The following MME variants were observed in gnomAD, a reference collection of about 807,000 sequenced individuals.
MME encodes neprilysin.
Under a neutral mutation model 113.2 loss-of-function variants are expected in MME, and 98 were observed. That is an observed-to-expected ratio of 0.87 (90% CI 0.74 to 1.02). The LOEUF (loss-of-function observed/expected upper bound fraction) is 1.02. MME is among the 50% of genes least tolerant of loss of function. The pLI is 0.00. For synonymous variants in MME, 292 were observed against 300.6 expected, an observed-to-expected ratio of 0.97 and a Z score of 0.30; for missense variants, 836 against 896.0, an observed-to-expected ratio of 0.93 and a Z score of 0.86.
At chr3:155,147,956 T>C (rs907119982) in intron 15 of MME, among the ~76,000 whole-genome samples, 2 of 152,164 alleles carry the variant, frequency 1.3e-5, no homozygotes, top group African/African-American at 2.4e-5. Context: ...GAGCTGGTTA[T>C]AGCTTGCAAG....
In MME at chr3:155,179,704, A is replaced by C. The variant is rs957097984; in HGVS notation, c.2154-656A>C. ...CCCATCTCTCCCCTCAAACACTGCTAGGTGCAGATAGTGAGTTGGACTGTG... is the reference window on the plus strand; with the variant it reads ...CCCATCTCTCCCCTCAAACACTGCTCGGTGCAGATAGTGAGTTGGACTGTG... On this transcript the variant is annotated intron_variant, in intron 22 of 22. Transcript: ENST00000360490. 2.6e-5 allele frequency among the ~76,000 whole-genome samples: 4 copies of C among 152,180 alleles called. 1 individual carries two copies. The highest frequency in any genetic ancestry group is 7.2e-5 in the African/African-American group (3 of 41,458).
chr3:155,062,268 A>T (rs1714175940), intron 1 of MME, among the ~76,000 whole-genome samples: 1 of 152,142 alleles, frequency 6.6e-6, no homozygotes, highest in Non-Finnish European at 1.5e-5. Flanking sequence ...TATCTGCAAG[A>T]ATACCCCTTA....
chr3:155,126,455 C>T (rs575032977), intron 8 of MME, among the ~76,000 whole-genome samples: 2 of 151,254 alleles, frequency 1.3e-5, no homozygotes, highest in African/African-American at 4.9e-5. Context: ...ATTTTATACT[C>T]AATGCTATCC....
At chr3:155,084,081 T>C (rs1715421721) in intron 1 of MME, 77 bp from the exon 2 acceptor site, 1 of 1,265,636 alleles carries the variant, frequency 7.9e-7, no homozygotes. Context: ...TTTACTTTTA[T>C]CCAGCCACAT....
chr3:155,152,669 C>T (rs1297546232), intron 16 of MME, among the ~76,000 whole-genome samples: 2 of 151,914 alleles, frequency 1.3e-5, no homozygotes, highest in Non-Finnish European at 1.5e-5. Context: ...GGTGAAACCT[C>T]GTCTCTACTG....
chr3:155,090,333 C>G (rs1022945693), intron 3 of MME: 1 of 152,216 alleles, frequency 6.6e-6, no homozygotes, highest in African/African-American at 2.4e-5. Flanking sequence ...TAATGCACAG[C>G]GGTCCCCTTC....
chr3:155,051,019 T>C (rs771288496), intron 1 of MME, among the ~76,000 whole-genome samples: 20 of 152,140 alleles, frequency 1.3e-4, no homozygotes, highest in Non-Finnish European at 2.8e-4. Context: ...CTAAGCAAAG[T>C]GTGGGAGGTT....
intron 8 of MME, among the ~76,000 whole-genome samples, chr3:155,129,292 G>A (rs1461946834): frequency 1.3e-5 from 2 of 152,116 alleles, no homozygotes; most frequent in African/African-American, 4.8e-5. Context: ...TACTCTAATC[G>A]TAGGTCTCCT....
intron 1 of MME, among the ~76,000 whole-genome samples, chr3:155,069,464 A>G (rs1341382637): frequency 6.6e-6 from 1 of 152,250 alleles, no homozygotes; most frequent in Non-Finnish European, 1.5e-5. Flanking sequence ...GTTAAGGCCC[A>G]GGATGACTGA....
intron 8 of MME, among the ~76,000 whole-genome samples, chr3:155,119,151 C>T (rs1243878046): frequency 6.6e-6 from 1 of 152,176 alleles, no homozygotes; most frequent in African/African-American, 2.4e-5. Flanking sequence ...TTATCATGGT[C>T]TAGGGTGGTG....
intron 3 of MME, among the ~76,000 whole-genome samples, chr3:155,098,122 A>T (rs1321230439): frequency 6.6e-6 from 1 of 152,200 alleles, no homozygotes; most frequent in Non-Finnish European, 1.5e-5. Flanking sequence ...GGAAGGGAAA[A>T]GGAAGGCAGC....
At chr3:155,128,527 C>T (rs1163637855) in intron 8 of MME, among the ~76,000 whole-genome samples, 1 of 152,112 alleles carries the variant, frequency 6.6e-6, no homozygotes, top group Non-Finnish European at 1.5e-5. Context: ...GTCAGTGTAT[C>T]ATTGGCCTTC....
At position 155,035,250 on chromosome 3, in the gene MME, G is replaced by A. The variant is rs938798877; in HGVS notation, c.-11+10926G>A. ...TATTTAATATTAATAATACTATAAT[G>A]TCTATAATATAAATATAAAATATTT... is the stretch of plus-strand genomic sequence containing the variant. On this transcript the variant is annotated intron_variant, in intron 1 of 22. Coordinates refer to the MME transcript ENST00000492661. 6.8e-5 allele frequency among the ~76,000 whole-genome samples: 10 copies of A among 147,958 alleles called. No individual in the cohort carries two copies. The South Asian group carries it at 1.5e-3, about 22-fold the overall frequency.
intron 9 of MME, among the ~76,000 whole-genome samples, chr3:155,139,707 A>T (rs1454447220): frequency 6.6e-6 from 1 of 152,216 alleles, no homozygotes; most frequent in Non-Finnish European, 1.5e-5. Flanking sequence ...TGTACTAGGA[A>T]GTTTCTCTGT....
At chr3:155,134,627 G>T (rs763594021) in intron 8 of MME, among the ~76,000 whole-genome samples, 2 of 152,088 alleles carry the variant, frequency 1.3e-5, no homozygotes, top group Non-Finnish European at 2.9e-5. Context: ...TTGGTAGAAT[G>T]ACTTATTTTC....
At chr3:155,049,431 G>T (rs1372873445) in intron 1 of MME, among the ~76,000 whole-genome samples, 1 of 152,034 alleles carries the variant, frequency 6.6e-6, no homozygotes, top group Non-Finnish European at 1.5e-5. Flanking sequence ...CTAGGAGAGA[G>T]GTACAGAAGA....
At chr3:155,025,127 A>T (rs1005505323) in intron 1 of MME, among the ~76,000 whole-genome samples, 3 of 152,196 alleles carry the variant, frequency 2.0e-5, no homozygotes, top group African/African-American at 7.2e-5. Context: ...GGAGCAGAGT[A>T]TCTGCAACAC....
At chr3:155,111,898 T>C (rs1286171952) in intron 3 of MME, among the ~76,000 whole-genome samples, 1 of 152,220 alleles carries the variant, frequency 6.6e-6, no homozygotes, top group Non-Finnish European at 1.5e-5. Context: ...TCTTAGAATG[T>C]CTGTAGTTAG....
At chr3:155,155,813 G>A (rs1210564620) in intron 16 of MME, among the ~76,000 whole-genome samples, 1 of 152,164 alleles carries the variant, frequency 6.6e-6, no homozygotes. Flanking sequence ...GAATCTCTCC[G>A]AAATAAAGCA....
Sources: allele counts gnomAD v4.1 joint callset (sites outside exome capture counted in the v4.1 genomes callset), GRCh38; gene constraint gnomAD v4.1.1; transcripts MANE v1.5; gene names NCBI Gene and HGNC (gene_info 2026-07-23, HGNC 2026-07-21).